The following NAV2 variants were observed in gnomAD, a reference collection of about 807,000 sequenced individuals.
NAV2 encodes neuron navigator 2.
In NAV2, 54 loss-of-function variants were observed where a neutral mutation model predicts 223.2. The ratio of observed to expected loss-of-function variants is 0.24; its 90% CI spans 0.19 to 0.30. NAV2 has a LOEUF of 0.30. Ranked by LOEUF, NAV2 falls within the 10% of genes least tolerant of loss-of-function variation. NAV2 has a pLI of 1.00. For missense variants in NAV2, 2,806 were observed against 3,147.5 expected (o/e 0.89, Z 2.60); for synonymous variants, 1,279 against 1,239.3 (o/e 1.03, Z -0.67).
chr11:19,618,672 CCAGA>C (rs989536755), intron 1 of NAV2, among the ~76,000 whole-genome samples: 2 of 151,886 alleles, frequency 1.3e-5, no homozygotes, highest in African/African-American at 2.4e-5. Flanking sequence ...GCAGATGGGG[CCAGA>C]CAAAGAAAAA....
rs550865298 is a variant in NAV2 at position 20,121,228 on chromosome 11, T to C, written c.*2970T>C. The C allele has an allele frequency of 1.4e-3, 211 of 152,756 alleles. No homozygotes were observed. The highest frequency in any genetic ancestry group is 2.5e-3 in the Non-Finnish European group (167 of 68,036). 9.5% of individuals were successfully genotyped at this position (152,756 alleles called of 1,614,324 possible). A position where few individuals can be genotyped will look rare whatever the true frequency, so the allele number is the denominator to read the frequency against. On this transcript the variant is annotated 3_prime_UTR_variant, in exon 38 of 38. Coordinates refer to ENST00000349880, the MANE Select transcript of NAV2 (RefSeq NM_145117.5). ...TGTGGATATTAAATGGAAGGTTTGC[T>C]GTTTTGATCTAGTTGTTTCCAGTGG...
intron 1 of NAV2, among the ~76,000 whole-genome samples, chr11:19,696,619 T>C (rs1461064300): frequency 1.3e-5 from 2 of 152,230 alleles, no homozygotes; most frequent in African/African-American, 2.4e-5. Flanking sequence ...GGTTTGAAAT[T>C]GGTTCTTGAT....
intron 36 of NAV2, among the ~76,000 whole-genome samples, chr11:20,109,295 C>T (rs1292909742): frequency 6.6e-6 from 1 of 151,028 alleles, no homozygotes; most frequent in African/African-American, 2.4e-5. Flanking sequence ...ATTGTGAAAG[C>T]AGGAAAAAAG....
chr11:19,902,961 C>T (rs909019472), intron 6 of NAV2, among the ~76,000 whole-genome samples: 3 of 152,174 alleles, frequency 2.0e-5, no homozygotes, highest in Non-Finnish European at 4.4e-5. Flanking sequence ...AGACCCTGAA[C>T]AGTAAAGCCT....
chr11:19,532,935 A>G (rs1310559406), intron 1 of NAV2, among the ~76,000 whole-genome samples: 2 of 152,150 alleles, frequency 1.3e-5, no homozygotes, highest in South Asian at 4.1e-4. Flanking sequence ...CTCATCCCCA[A>G]TCCTGTGGAC....
intron 1 of NAV2, among the ~76,000 whole-genome samples, chr11:19,434,382 A>G (rs1851140568): frequency 1.3e-5 from 2 of 152,210 alleles, no homozygotes; most frequent in Admixed American, 1.3e-4. Flanking sequence ...AGCATTTTTA[A>G]AAGCAGAATT....
chr11:19,789,854 A>C (rs1488294612), intron 1 of NAV2, among the ~76,000 whole-genome samples: 1 of 152,208 alleles, frequency 6.6e-6, no homozygotes, highest in African/African-American at 2.4e-5. Context: ...GAAGTAATGA[A>C]GATTTTTTAC....
intron 3 of NAV2, 62 bp from the exon 4 acceptor site, chr11:19,868,863 A>G (rs2062270003): frequency 6.5e-7 from 1 of 1,533,918 alleles, no homozygotes; most frequent in South Asian, 1.1e-5. Flanking sequence ...TGTTCCTCAT[A>G]AGAGATGGCT....
chr11:19,877,781 T>C (rs1304303551), intron 4 of NAV2, among the ~76,000 whole-genome samples: 2 of 152,130 alleles, frequency 1.3e-5, no homozygotes, highest in African/African-American at 4.8e-5. Context: ...CGGCTTATCT[T>C]GATTCTGTCC....
In NAV2 at chr11:19,643,793, T is replaced by C. The variant is rs564695101; in HGVS notation, c.76-188691T>C. On this transcript the variant is annotated intron_variant, in intron 1 of 37. Coordinates refer to the NAV2 transcript ENST00000360655. ...TACAGTCCCACCAACAGTGTAAAAG[T>C]GTTCCTATTTCTCCACATCCTCTCC... Among the ~76,000 whole-genome samples, 14 of 152,310 alleles carry C rather than the reference T, an allele frequency of 9.2e-5. No homozygotes were observed. In the East Asian group the frequency reaches 2.1e-3, roughly 23 times the overall value.
intron 10 of NAV2, among the ~76,000 whole-genome samples, chr11:19,975,244 G>A (rs1056707864): frequency 2.0e-5 from 3 of 152,194 alleles, no homozygotes; most frequent in South Asian, 2.1e-4. Context: ...ATTTTCGAAC[G>A]TGTGCAGCCT....
chr11:19,994,552 GAAAA>G (rs1166444365), intron 11 of NAV2, among the ~76,000 whole-genome samples: 2 of 62,980 alleles, frequency 3.2e-5, no homozygotes, highest in Non-Finnish European at 3.5e-5. Flanking sequence ...CTGTCTCAAA[GAAAA>G]AAAAAAAAAA....
chr11:19,642,026 A>G (rs1302496439), intron 1 of NAV2, among the ~76,000 whole-genome samples: 2 of 152,170 alleles, frequency 1.3e-5, no homozygotes, highest in African/African-American at 2.4e-5. Flanking sequence ...GCAGGTACTG[A>G]ATAGATATTG....
intron 10 of NAV2, among the ~76,000 whole-genome samples, chr11:19,969,669 G>T (rs1287961128): frequency 6.6e-6 from 1 of 152,062 alleles, no homozygotes; most frequent in African/African-American, 2.4e-5. Context: ...TTGGCTGGGC[G>T]CAGTGGCTCA....
intron 1 of NAV2, among the ~76,000 whole-genome samples, chr11:19,512,856 T>C (rs149888799): frequency 6.6e-6 from 1 of 152,310 alleles, no homozygotes; most frequent in East Asian, 1.9e-4. Flanking sequence ...AACTGAATAT[T>C]TGTGCTGTGA....
chr11:19,673,573 A>G (rs1753838820), intron 1 of NAV2, among the ~76,000 whole-genome samples: 1 of 152,210 alleles, frequency 6.6e-6, no homozygotes. Context: ...AATTTTCTCA[A>G]ATTGAGGTGT....
chr11:19,617,334 T>C (rs1590691292), intron 1 of NAV2, among the ~76,000 whole-genome samples: 1 of 151,862 alleles, frequency 6.6e-6, no homozygotes, highest in Non-Finnish European at 1.5e-5. Flanking sequence ...GGAGTAGGGG[T>C]AGGTTGGAAT....
chr11:19,501,049 G>C (rs1056716628), intron 1 of NAV2, among the ~76,000 whole-genome samples: 3 of 152,052 alleles, frequency 2.0e-5, no homozygotes, highest in Admixed American at 6.6e-5. Context: ...CAGCTCCTAG[G>C]GGGTGCCCAC....
At chr11:19,416,667 G>A (rs1023169447) in intron 1 of NAV2, among the ~76,000 whole-genome samples, 32 of 152,266 alleles carry the variant, frequency 2.1e-4, no homozygotes, top group African/African-American at 7.5e-4. Flanking sequence ...GAACAAAGCT[G>A]GAGGCATCAC....
Sources: allele counts gnomAD v4.1 joint callset (sites outside exome capture counted in the v4.1 genomes callset), GRCh38; gene constraint gnomAD v4.1.1; transcripts MANE v1.5; gene names NCBI Gene and HGNC (gene_info 2026-07-23, HGNC 2026-07-21).